The following KIAA1549L variants were observed in gnomAD, a reference collection of about 807,000 sequenced individuals.
The protein encoded by KIAA1549L is KIAA1549 like.
In KIAA1549L, 88 loss-of-function variants were observed where a neutral mutation model predicts 160.7. The observed-to-expected ratio is 0.55, with a 90% CI of 0.46 to 0.65. The LOEUF (loss-of-function observed/expected upper bound fraction) is 0.65, where lower values mean the gene tolerates loss of function less well. Among genes scored for constraint, KIAA1549L ranks in the 30% least tolerant of loss-of-function variants. The pLI is 0.00. For synonymous variants in KIAA1549L, 950 were observed against 976.7 expected, an observed-to-expected ratio of 0.97 and a Z score of 0.51; for missense variants, 2,258 against 2,437.5, an observed-to-expected ratio of 0.93 and a Z score of 1.55.
At chr11:33,639,251 G>A (rs747853429) in intron 16 of KIAA1549L, among the ~76,000 whole-genome samples, 17 of 152,150 alleles carry the variant, frequency 1.1e-4, no homozygotes, top group Non-Finnish European at 2.2e-4. Context: ...CTTAGCCACT[G>A]TGTGCACTAT....
intron 1 of KIAA1549L, among the ~76,000 whole-genome samples, chr11:33,517,510 A>G (rs1425251668): frequency 6.6e-6 from 1 of 152,188 alleles, no homozygotes; most frequent in Admixed American, 6.5e-5. Context: ...TGTGGCCATT[A>G]TGCCTTATTC....
At chr11:33,659,449 A>T (rs1013491410) in intron 19 of KIAA1549L, among the ~76,000 whole-genome samples, 7 of 152,206 alleles carry the variant, frequency 4.6e-5, no homozygotes, top group Non-Finnish European at 1.0e-4. Flanking sequence ...TTAAACTGCC[A>T]TGTGGTATTC....
In KIAA1549L at chr11:33,552,705, T is replaced by C. The variant is rs7127733; in HGVS notation, c.3855+464T>C. 2.5e-3 allele frequency among the ~76,000 whole-genome samples: 141 copies of C among 55,362 alleles called. 2 individuals carry two copies. The highest frequency in any genetic ancestry group is 0.011 in the African/African-American group (126 of 11,528). 36.3% of individuals were successfully genotyped at this position (55,362 alleles called of 152,430 possible). On this transcript the variant is annotated intron_variant, in intron 6 of 20. Coordinates refer to ENST00000658780, the MANE Select transcript of KIAA1549L (RefSeq NM_012194.3). The stretch of plus-strand genomic sequence containing the variant: ...ACACACACACACACACACACACACA[T>C]GCGTTTTATATTGAAGTCTTTACTA...
At chr11:33,379,362 G>C (rs78802607) in intron 1 of KIAA1549L, among the ~76,000 whole-genome samples, 5,764 of 152,104 alleles carry the variant, frequency 0.038, 143 homozygotes, top group Middle Eastern at 0.068. Flanking sequence ...TAAAGAAAAG[G>C]CTGTTGTCAT....
chr11:33,497,803 C>G (rs1201509904), intron 1 of KIAA1549L, among the ~76,000 whole-genome samples: 2 of 152,166 alleles, frequency 1.3e-5, no homozygotes, highest in East Asian at 3.8e-4. Flanking sequence ...TATGTGTACA[C>G]AAAATAAAAG....
chr11:33,446,158 C>A (rs993805975), intron 1 of KIAA1549L, among the ~76,000 whole-genome samples: 1 of 150,844 alleles, frequency 6.6e-6, no homozygotes, highest in Non-Finnish European at 1.5e-5. Context: ...GCAGTGGTGC[C>A]GTCTCAGCTC....
chr11:33,431,891 G>A lies in KIAA1549L; in HGVS notation c.238+55002G>A, dbSNP rs532189619. Among the ~76,000 whole-genome samples the A allele has an allele frequency of 7.9e-5, 12 of 152,352 alleles. No homozygotes were observed. The East Asian group carries it at 1.2e-3, about 15-fold the overall frequency. On this transcript the variant is annotated intron_variant, in intron 1 of 20. Coordinates refer to ENST00000658780, the MANE Select transcript of KIAA1549L (RefSeq NM_012194.3). ...GCTGCAGTCCCAAGGACTGCCCCAC[G>A]GGAAGGCAGCTAAGGCCCGACGAGA...
chr11:33,398,336 A>G (rs979308931), intron 1 of KIAA1549L, among the ~76,000 whole-genome samples: 1 of 152,096 alleles, frequency 6.6e-6, no homozygotes, highest in African/African-American at 2.4e-5. Flanking sequence ...GCTGCTCCAC[A>G]TGGCTTATAA....
At chr11:33,407,798 A>G (rs1469454155) in intron 1 of KIAA1549L, among the ~76,000 whole-genome samples, 1 of 152,128 alleles carries the variant, frequency 6.6e-6, no homozygotes, top group African/African-American at 2.4e-5. Flanking sequence ...TTGTTCTGAA[A>G]AGTTCCTGGC....
At chr11:33,555,985 A>T (rs1049297235) in intron 6 of KIAA1549L, among the ~76,000 whole-genome samples, 4 of 152,224 alleles carry the variant, frequency 2.6e-5, no homozygotes, top group Non-Finnish European at 4.4e-5. Context: ...AAAAAATCCA[A>T]TTAAGAAATG....
chr11:33,412,856 A>G (rs1392612473), intron 1 of KIAA1549L, among the ~76,000 whole-genome samples: 1 of 152,242 alleles, frequency 6.6e-6, no homozygotes. Context: ...TCTTCTTTTT[A>G]GAAACAAGGA....
chr11:33,619,486 G>A (rs982049782), intron 16 of KIAA1549L, among the ~76,000 whole-genome samples: 1 of 152,156 alleles, frequency 6.6e-6, no homozygotes, highest in Admixed American at 6.5e-5. Context: ...AGAAGTTGTA[G>A]TTTGACACTT....
chr11:33,540,633 T>C (rs1238380280), intron 1 of KIAA1549L, among the ~76,000 whole-genome samples: 2 of 152,172 alleles, frequency 1.3e-5, no homozygotes, highest in Non-Finnish European at 2.9e-5. Context: ...TTGCAAACCA[T>C]GAAGCAGTTC....
intron 1 of KIAA1549L, among the ~76,000 whole-genome samples, chr11:33,534,921 C>T (rs557725846): frequency 6.6e-6 from 1 of 152,250 alleles, no homozygotes; most frequent in South Asian, 2.1e-4. Flanking sequence ...TTTTCTATTG[C>T]TATGTGACAA....
At chr11:33,384,711 TTTA>T (rs1398867215) in intron 1 of KIAA1549L, among the ~76,000 whole-genome samples, 2 of 152,110 alleles carry the variant, frequency 1.3e-5, no homozygotes, top group Non-Finnish European at 2.9e-5. Flanking sequence ...CACTAATAAT[TTTA>T]TTGTTGCATA....
intron 16 of KIAA1549L, among the ~76,000 whole-genome samples, chr11:33,630,466 G>A (rs914993181): frequency 1.4e-4 from 21 of 151,998 alleles, no homozygotes; most frequent in African/African-American, 4.8e-4. Context: ...AGCCAGGTGC[G>A]GGATATAATC....
At chr11:33,494,343 A>C (rs1852765135) in intron 1 of KIAA1549L, among the ~76,000 whole-genome samples, 1 of 152,242 alleles carries the variant, frequency 6.6e-6, no homozygotes, top group African/African-American at 2.4e-5. Context: ...CCACTCATGG[A>C]AGGGGTAAGC....
At chr11:33,489,727 A>G (rs913592897) in intron 1 of KIAA1549L, among the ~76,000 whole-genome samples, 5 of 152,194 alleles carry the variant, frequency 3.3e-5, no homozygotes, top group Admixed American at 6.5e-5. Context: ...CAGAAGTGGC[A>G]TCTGTCTCTT....
At chr11:33,598,780 T>C (rs1850276605) in intron 12 of KIAA1549L, 40 bp from the exon 13 acceptor site, 1 of 1,612,448 alleles carries the variant, frequency 6.2e-7, no homozygotes, top group African/African-American at 1.3e-5. Flanking sequence ...CTGCTCTAGT[T>C]GAAACTTACC....
Sources: gnomAD v4.1 joint callset for allele counts (sites outside exome capture counted in the v4.1 genomes callset) on GRCh38, gnomAD v4.1.1 for gene constraint, MANE v1.5 for transcripts, NCBI Gene and HGNC (gene_info 2026-07-23, HGNC 2026-07-21) for gene names.